Variants in LSAMP observed in about 807,000 individuals in gnomAD.
LSAMP encodes limbic system-associated membrane protein.
Under a neutral mutation model 38.6 loss-of-function variants are expected in LSAMP, and 7 were observed. The observed-to-expected ratio is 0.18, with a 90% CI of 0.10 to 0.34. LSAMP has a LOEUF of 0.34. Among genes scored for constraint, LSAMP ranks in the 10% least tolerant of loss-of-function variants. The pLI is 1.00. For missense variants in LSAMP, 313 were observed against 420.0 expected (o/e 0.75, Z 2.23); for synonymous variants, 154 against 166.8 (o/e 0.92, Z 0.59).
chr3:116,039,643 G>A (rs1018224836), intron 2 of LSAMP, among the ~76,000 whole-genome samples: 4 of 152,056 alleles, frequency 2.6e-5, no homozygotes, highest in African/African-American at 9.7e-5. Context: ...TTATTTTAAT[G>A]CAATGAGTGG....
At position 116,294,803 on chromosome 3, in the gene LSAMP, ACTT is replaced by A. The variant is rs577269773; in HGVS notation, c.155+150071_155+150073del. ...AAATAACATAGGTAACCTGCACTTA[ACTT>A]TCAAACCTGCTGTGATTAGGCATGG... On this transcript the variant is annotated intron_variant, in intron 1 of 6. Transcript: ENST00000490035. Among the ~76,000 whole-genome samples, 128 of 152,210 alleles carry A rather than the reference ACTT, an allele frequency of 8.4e-4. 1 individual carries two copies. The Middle Eastern group carries it at 0.02, about 24-fold the overall frequency.
intron 1 of LSAMP, among the ~76,000 whole-genome samples, chr3:116,287,232 G>C (rs1215629880): frequency 6.6e-6 from 1 of 152,062 alleles, no homozygotes; most frequent in Non-Finnish European, 1.5e-5. Context: ...ATGCATGTTT[G>C]CAGCTAACAT....
chr3:116,372,753 C>T (rs550298160), intron 1 of LSAMP, among the ~76,000 whole-genome samples: 10 of 150,690 alleles, frequency 6.6e-5, no homozygotes, highest in Non-Finnish European at 1.2e-4. Context: ...CTAAAGAAGA[C>T]ACAGAAATTA....
rs1323511238 is a variant in LSAMP, at chr3:116,424,094, G to A, written c.155+20783C>T. ...GGAATGTGTTTCACTCATGTCCTGT[G>A]GCCCTTTGACTTCAATTATCTTGTT... On this transcript the variant is annotated intron_variant, in intron 1 of 6. Transcript: ENST00000490035. Among the ~76,000 whole-genome samples the A allele has an allele frequency of 2.0e-5, 3 of 152,212 alleles. No individual in the cohort carries two copies. In the East Asian group the frequency reaches 5.8e-4, roughly 29 times the overall value.
At chr3:115,945,028 CT>C (rs1414856915) in intron 3 of LSAMP, among the ~76,000 whole-genome samples, 1 of 151,404 alleles carries the variant, frequency 6.6e-6, no homozygotes, top group Non-Finnish European at 1.5e-5. Flanking sequence ...ATTTTTTTTC[CT>C]CTTCTTTACA....
intron 1 of LSAMP, among the ~76,000 whole-genome samples, chr3:116,240,028 A>G (rs538138847): frequency 1.1e-4 from 17 of 152,316 alleles, no homozygotes; most frequent in African/African-American, 3.4e-4. Flanking sequence ...TTACACATAG[A>G]GCACTTAGCA....
intron 1 of LSAMP, among the ~76,000 whole-genome samples, chr3:116,094,748 C>T (rs188217934): frequency 6.6e-6 from 1 of 152,290 alleles, no homozygotes; most frequent in African/African-American, 2.4e-5. Flanking sequence ...AGTTTAGATC[C>T]TGAAGAGGCT....
At chr3:115,881,176 C>T (rs1478875205) in intron 3 of LSAMP, among the ~76,000 whole-genome samples, 1 of 152,076 alleles carries the variant, frequency 6.6e-6, no homozygotes, top group African/African-American at 2.4e-5. Flanking sequence ...TTACAGTTTG[C>T]CACTTGCATT....
intron 3 of LSAMP, among the ~76,000 whole-genome samples, chr3:115,977,015 G>GAAC (rs1295575774): frequency 1.3e-5 from 2 of 152,076 alleles, no homozygotes; most frequent in Non-Finnish European, 2.9e-5. Flanking sequence ...AACAACTGGG[G>GAAC]AACAGCCTTG....
chr3:115,833,323 G>A (rs2944404), intron 6 of LSAMP, among the ~76,000 whole-genome samples: 13,768 of 150,756 alleles, frequency 0.091, 1,019 homozygotes, highest in Admixed American at 0.25. Context: ...ATTTTTAGTG[G>A]CTGGGATTAG....
intron 1 of LSAMP, among the ~76,000 whole-genome samples, chr3:116,347,299 C>T (rs951516842): frequency 6.6e-6 from 1 of 152,138 alleles, no homozygotes; most frequent in Non-Finnish European, 1.5e-5. Context: ...CTATCCTAAC[C>T]CTTAACTTGA....
rs1269293940 is a variant in LSAMP at position 116,411,570 on chromosome 3, GA to G, written c.155+33306del. Among the ~76,000 whole-genome samples, 4 of 136,602 alleles carry G rather than the reference GA, an allele frequency of 2.9e-5. No individual in the cohort carries two copies. In the East Asian group the frequency reaches 8.9e-4, roughly 30 times the overall value. 89.6% of individuals were successfully genotyped at this position (136,602 alleles called of 152,430 possible). A position where few individuals can be genotyped will look rare whatever the true frequency, so the allele number is the denominator to read the frequency against. ...ATGTTCTCACTCATAGGTGGAAACT[GA>G]ACAATGAGAACACACAGACACAGGA... On this transcript the variant is annotated intron_variant, in intron 1 of 6. Coordinates refer to ENST00000490035, the MANE Select transcript of LSAMP (RefSeq NM_002338.5).
intron 1 of LSAMP, among the ~76,000 whole-genome samples, chr3:116,311,525 A>G (rs2047557144): frequency 6.6e-6 from 1 of 152,174 alleles, no homozygotes; most frequent in Non-Finnish European, 1.5e-5. Context: ...AAAAGCAGGA[A>G]CAAGTTTTAA....
At chr3:116,436,999 ATATATATGTG>A (rs1208466480) in intron 1 of LSAMP, among the ~76,000 whole-genome samples, 3 of 150,080 alleles carry the variant, frequency 2.0e-5, no homozygotes, top group African/African-American at 7.4e-5. Context: ...ATATGCATAT[ATATATATGTG>A]TATATATATG....
intron 4 of LSAMP, among the ~76,000 whole-genome samples, chr3:115,848,132 T>C (rs898408306): frequency 2.7e-4 from 41 of 152,292 alleles, no homozygotes; most frequent in African/African-American, 9.6e-4. Context: ...GGTGTAACTA[T>C]GAAAAGCTAG....
chr3:116,091,336 T>C (rs1708118733), intron 1 of LSAMP, among the ~76,000 whole-genome samples: 1 of 152,182 alleles, frequency 6.6e-6, no homozygotes, highest in African/African-American at 2.4e-5. Context: ...CAAACACACA[T>C]GCTGTACAAT....
intron 3 of LSAMP, among the ~76,000 whole-genome samples, chr3:115,855,079 T>C (rs1003079249): frequency 6.6e-6 from 1 of 152,210 alleles, no homozygotes; most frequent in African/African-American, 2.4e-5. Flanking sequence ...TTAGAGATGG[T>C]TGGCAACACT....
At chr3:116,303,729 G>A (rs1171828827) in intron 1 of LSAMP, among the ~76,000 whole-genome samples, 1 of 152,136 alleles carries the variant, frequency 6.6e-6, no homozygotes, top group Non-Finnish European at 1.5e-5. Flanking sequence ...CCCTGCGAGC[G>A]AATAATCAGT....
chr3:115,880,542 T>A (rs578060205), intron 3 of LSAMP, among the ~76,000 whole-genome samples: 1 of 152,272 alleles, frequency 6.6e-6, no homozygotes, highest in Non-Finnish European at 1.5e-5. Context: ...GGGTCTCTAT[T>A]TTAATAAAGG....
Sources: allele counts gnomAD v4.1 joint callset (sites outside exome capture counted in the v4.1 genomes callset), GRCh38; gene constraint gnomAD v4.1.1; transcripts MANE v1.5; gene names NCBI Gene and HGNC (gene_info 2026-07-23, HGNC 2026-07-21).